Variants in IQCM observed in about 807,000 individuals in gnomAD.
IQCM encodes the protein IQ motif containing M.
Under a neutral mutation model 57.6 loss-of-function variants are expected in IQCM, and 45 were observed. That is an observed-to-expected ratio of 0.78 (90% CI 0.62 to 1.00). The LOEUF (loss-of-function observed/expected upper bound fraction) is 1.00. IQCM is among the 50% of genes least tolerant of loss of function. The pLI, the probability that IQCM is intolerant of heterozygous loss-of-function variation, is 0.00. For missense variants in IQCM, 468 were observed against 511.6 expected (o/e 0.91, Z 0.82); for synonymous variants, 148 against 158.9 (o/e 0.93, Z 0.51).
At chr4:149,430,613 T>C (rs1265478230) in intron 13 of IQCM, among the ~76,000 whole-genome samples, 1 of 152,022 alleles carries the variant, frequency 6.6e-6, no homozygotes, top group Non-Finnish European at 1.5e-5. Flanking sequence ...CTCTTTATTG[T>C]CTGGCCTCTT....
chr4:149,518,525 G>A (rs1031516017), intron 12 of IQCM, among the ~76,000 whole-genome samples: 1 of 152,054 alleles, frequency 6.6e-6, no homozygotes, highest in Non-Finnish European at 1.5e-5. Flanking sequence ...TCCAAATAAG[G>A]GGATATTTAG....
Position 149,357,818 on chromosome 4 carries a change from T to C in IQCM, c.1391-5752A>G, listed in dbSNP as rs545873266. On this transcript the variant is annotated intron_variant, in intron 13 of 13. Coordinates refer to ENST00000636793, the MANE Select transcript of IQCM (RefSeq NM_001363507.2). The stretch of plus-strand genomic sequence containing the variant: ...TTGATTGGAATAGTTTCAGAAGGAA[T>C]GGTACCAGCTCGTCCTTGTACCTCT... Among the ~76,000 whole-genome samples, 11 of 152,336 alleles carry C rather than the reference T, an allele frequency of 7.2e-5. No individual in the cohort carries two copies. The South Asian group carries it at 2.3e-3, about 32-fold the overall frequency.
intron 9 of IQCM, among the ~76,000 whole-genome samples, chr4:149,584,776 TG>T (rs1304028079): frequency 6.6e-6 from 1 of 151,790 alleles, no homozygotes; most frequent in Non-Finnish European, 1.5e-5. Flanking sequence ...ATTTGAAATT[TG>T]CTTTTTAGCT....
At chr4:149,619,105 T>TATATATATA (rs1756064155) in intron 8 of IQCM, among the ~76,000 whole-genome samples, 1 of 109,562 alleles carries the variant, frequency 9.1e-6, no homozygotes, top group Non-Finnish European at 1.7e-5. Flanking sequence ...AAATGTGGGA[T>TATATATATA]GGATATATAT....
chr4:149,546,236 C>G (rs1004256906), intron 12 of IQCM, among the ~76,000 whole-genome samples: 3 of 152,142 alleles, frequency 2.0e-5, no homozygotes, highest in East Asian at 1.9e-4. Flanking sequence ...ACTTGGGTTG[C>G]TTCCAAGTCT....
At chr4:149,521,952 G>A (rs1258410221) in intron 12 of IQCM, among the ~76,000 whole-genome samples, 4 of 152,248 alleles carry the variant, frequency 2.6e-5, no homozygotes, top group Non-Finnish European at 5.9e-5. Context: ...GGAGGTTCCT[G>A]GGACAAGGAC....
At chr4:149,722,499 T>C (rs1765534193) in intron 5 of IQCM, among the ~76,000 whole-genome samples, 1 of 152,104 alleles carries the variant, frequency 6.6e-6, no homozygotes. Flanking sequence ...TTCATTCTTC[T>C]ACATGTGGGT....
intron 12 of IQCM, among the ~76,000 whole-genome samples, chr4:149,531,555 G>A (rs1746749368): frequency 6.6e-6 from 1 of 151,472 alleles, no homozygotes; most frequent in South Asian, 2.1e-4. Flanking sequence ...TTTTTAAAAT[G>A]TGTGAATCCT....
At chr4:149,569,166 T>C (rs968363059) in intron 9 of IQCM, among the ~76,000 whole-genome samples, 9 of 152,218 alleles carry the variant, frequency 5.9e-5, no homozygotes, top group African/African-American at 1.2e-4. Context: ...ATCATCATCA[T>C]TGTTGCACAA....
chr4:149,764,924 C>T (rs1250732516), intron 2 of IQCM, among the ~76,000 whole-genome samples: 1 of 152,012 alleles, frequency 6.6e-6, no homozygotes, highest in Non-Finnish European at 1.5e-5. Context: ...ACATTTGCTT[C>T]TGAATGTTAC....
intron 13 of IQCM, among the ~76,000 whole-genome samples, chr4:149,392,591 A>G (rs1731943937): frequency 6.6e-6 from 1 of 151,992 alleles, no homozygotes; most frequent in South Asian, 2.1e-4. Flanking sequence ...TGAGTTTAAT[A>G]TTAAAATTTA....
intron 13 of IQCM, among the ~76,000 whole-genome samples, chr4:149,425,734 C>T (rs1317169698): frequency 1.3e-5 from 2 of 151,900 alleles, no homozygotes; most frequent in Non-Finnish European, 2.9e-5. Context: ...TCTGGGCATC[C>T]CTAAGCCCAG....
At chr4:149,741,513 C>T (rs1767452981) in intron 3 of IQCM, among the ~76,000 whole-genome samples, 1 of 152,098 alleles carries the variant, frequency 6.6e-6, no homozygotes, top group Non-Finnish European at 1.5e-5. Context: ...CCTTTCTGAC[C>T]TTCCCATCTT....
At chr4:149,485,702 G>C (rs955961952) in intron 12 of IQCM, among the ~76,000 whole-genome samples, 3 of 151,904 alleles carry the variant, frequency 2.0e-5, no homozygotes, top group Admixed American at 1.3e-4. Context: ...ATCCTGGATT[G>C]GTCTCTGGTG....
chr4:149,761,509 C>T (rs564840662), intron 2 of IQCM, among the ~76,000 whole-genome samples: 3 of 152,206 alleles, frequency 2.0e-5, no homozygotes, highest in Admixed American at 2.0e-4. Flanking sequence ...TCCTTTTGCT[C>T]CTCCTCATCA....
At chr4:149,696,275 A>G (rs922510312) in intron 5 of IQCM, among the ~76,000 whole-genome samples, 2 of 152,152 alleles carry the variant, frequency 1.3e-5, no homozygotes, top group Non-Finnish European at 2.9e-5. Context: ...TGCAGCATTC[A>G]ATGATAATGA....
At chr4:149,429,364 T>C (rs1734664245) in intron 13 of IQCM, among the ~76,000 whole-genome samples, 1 of 151,894 alleles carries the variant, frequency 6.6e-6, no homozygotes, top group African/African-American at 2.4e-5. Flanking sequence ...GTTTTTTACT[T>C]GGTCTAAGAT....
intron 9 of IQCM, among the ~76,000 whole-genome samples, chr4:149,578,141 T>C (rs547047680): frequency 6.6e-6 from 1 of 151,918 alleles, no homozygotes; most frequent in South Asian, 2.1e-4. Flanking sequence ...GTTTTCTAGG[T>C]TTAGAATCAT....
At chr4:149,511,372 A>G (rs1310195838) in intron 12 of IQCM, among the ~76,000 whole-genome samples, 2 of 151,782 alleles carry the variant, frequency 1.3e-5, no homozygotes, top group Non-Finnish European at 2.9e-5. Flanking sequence ...TACAAAAAAA[A>G]AAACAATTAG....
Sources: gnomAD v4.1 joint callset for allele counts (sites outside exome capture counted in the v4.1 genomes callset) on GRCh38, gnomAD v4.1.1 for gene constraint, MANE v1.5 for transcripts, NCBI Gene and HGNC (gene_info 2026-07-23, HGNC 2026-07-21) for gene names.